The following GALNTL6 variants were observed in gnomAD, a reference collection of about 807,000 sequenced individuals.
GALNTL6 encodes the protein polypeptide N-acetylgalactosaminyltransferase-like 6.
A neutral mutation model predicts 73.7 loss-of-function variants in GALNTL6; 46 were observed. The ratio of observed to expected loss-of-function variants is 0.62; its 90% confidence interval spans 0.49 to 0.80. GALNTL6 has a LOEUF of 0.80. Ranked by LOEUF, GALNTL6 falls within the 30% of genes least tolerant of loss-of-function variation. The pLI, the probability that GALNTL6 is intolerant of heterozygous loss-of-function variation, is 0.00. For missense variants in GALNTL6, 604 were observed against 755.0 expected (o/e 0.80, Z 2.34); for synonymous variants, 259 against 263.7 (o/e 0.98, Z 0.17).
At chr4:172,469,452 A>T (rs1012600407) in intron 5 of GALNTL6, among the ~76,000 whole-genome samples, 6 of 151,596 alleles carry the variant, frequency 4.0e-5, no homozygotes, top group African/African-American at 9.7e-5. Flanking sequence ...CAAAAAATAA[A>T]AAAAAAAAAT....
chr4:171,980,366 T>C (rs540823827), intron 2 of GALNTL6, among the ~76,000 whole-genome samples: 22 of 152,264 alleles, frequency 1.4e-4, no homozygotes, highest in Admixed American at 4.6e-4. Flanking sequence ...GAGAAGTTAA[T>C]ATCCAGGAAG....
intron 2 of GALNTL6, among the ~76,000 whole-genome samples, chr4:171,862,379 C>T (rs2110880756): frequency 6.6e-6 from 1 of 152,068 alleles, no homozygotes; most frequent in East Asian, 1.9e-4. Context: ...AAAATAAAAC[C>T]TCAGTGTGAA....
chr4:171,889,061 C>G (rs1359530412), intron 2 of GALNTL6, among the ~76,000 whole-genome samples: 2 of 151,962 alleles, frequency 1.3e-5, no homozygotes, highest in Non-Finnish European at 2.9e-5. Flanking sequence ...GAAAGAAAAT[C>G]ACAACTTGCT....
chr4:172,057,801 C>T (rs1310095528), intron 2 of GALNTL6, among the ~76,000 whole-genome samples: 2 of 141,844 alleles, frequency 1.4e-5, no homozygotes, highest in Non-Finnish European at 3.0e-5. Flanking sequence ...AAATTAGATG[C>T]TATGGGCATG....
At chr4:172,715,268 G>C (rs1444486235) in intron 5 of GALNTL6, among the ~76,000 whole-genome samples, 2 of 152,224 alleles carry the variant, frequency 1.3e-5, no homozygotes, top group South Asian at 2.1e-4. Flanking sequence ...GGCAGGGTGT[G>C]TGTGGGGATG....
chr4:172,446,584 G>GTT (rs202185404), intron 5 of GALNTL6, among the ~76,000 whole-genome samples: 2 of 151,814 alleles, frequency 1.3e-5, no homozygotes, highest in African/African-American at 4.8e-5. Context: ...AGAAACAAGT[G>GTT]TTTTTTTTCT....
intron 5 of GALNTL6, among the ~76,000 whole-genome samples, chr4:172,558,797 T>C (rs1736235825): frequency 6.6e-6 from 1 of 152,146 alleles, no homozygotes; most frequent in Non-Finnish European, 1.5e-5. Context: ...AAAAGAGTGG[T>C]CATTATCTCA....
intron 5 of GALNTL6, among the ~76,000 whole-genome samples, chr4:172,522,363 G>C (rs913007275): frequency 2.6e-4 from 40 of 151,802 alleles, no homozygotes; most frequent in African/African-American, 9.4e-4. Context: ...CCATTCTCTG[G>C]TTACCAGCGA....
At chr4:172,242,066 G>A (rs954995746) in intron 3 of GALNTL6, among the ~76,000 whole-genome samples, 6 of 152,008 alleles carry the variant, frequency 3.9e-5, no homozygotes, top group African/African-American at 1.4e-4. Context: ...TATAGTAGCT[G>A]AAGAGCTATC....
intron 2 of GALNTL6, among the ~76,000 whole-genome samples, chr4:171,998,519 A>C (rs1428904706): frequency 6.6e-6 from 1 of 152,134 alleles, no homozygotes; most frequent in Non-Finnish European, 1.5e-5. Context: ...TCCTATCTCC[A>C]AATACAGTCA....
intron 5 of GALNTL6, among the ~76,000 whole-genome samples, chr4:172,393,446 A>C (rs944092198): frequency 2.6e-5 from 4 of 152,084 alleles, no homozygotes; most frequent in African/African-American, 9.7e-5. Flanking sequence ...ACGAAGAGAC[A>C]ACAGAGAGAC....
intron 5 of GALNTL6, among the ~76,000 whole-genome samples, chr4:172,713,636 G>T (rs1223512662): frequency 1.3e-5 from 2 of 152,124 alleles, no homozygotes; most frequent in African/African-American, 4.8e-5. Flanking sequence ...TTATCAGAAA[G>T]TAATATGAAA....
chr4:172,078,962 T>C (rs1731794756), intron 2 of GALNTL6, among the ~76,000 whole-genome samples: 1 of 152,186 alleles, frequency 6.6e-6, no homozygotes, highest in Non-Finnish European at 1.5e-5. Flanking sequence ...CATGATCATA[T>C]TACTGTTTCA....
intron 5 of GALNTL6, among the ~76,000 whole-genome samples, chr4:172,426,006 T>C (rs1052468744): frequency 1.1e-4 from 17 of 152,246 alleles, no homozygotes; most frequent in African/African-American, 3.8e-4. Flanking sequence ...TAATTTCCTT[T>C]GTATTTTAAA....
chr4:172,107,625 A>G (rs1385711246), intron 2 of GALNTL6, among the ~76,000 whole-genome samples: 2 of 140,556 alleles, frequency 1.4e-5, no homozygotes, highest in Non-Finnish European at 3.0e-5. Context: ...GAATTGAACA[A>G]TGAGAACACA....
At chr4:172,051,097 G>A (rs924062245) in intron 2 of GALNTL6, among the ~76,000 whole-genome samples, 2 of 152,156 alleles carry the variant, frequency 1.3e-5, no homozygotes, top group African/African-American at 4.8e-5. Context: ...AGTGAAGCAG[G>A]AGAGTTCCCT....
intron 5 of GALNTL6, among the ~76,000 whole-genome samples, chr4:172,489,159 A>G (rs889806435): frequency 1.3e-5 from 2 of 152,220 alleles, no homozygotes; most frequent in Non-Finnish European, 2.9e-5. Context: ...TGCCAGTATT[A>G]CAGATACCTG....
At chr4:172,985,449 T>A (rs961179314) in intron 10 of GALNTL6, among the ~76,000 whole-genome samples, 3 of 152,022 alleles carry the variant, frequency 2.0e-5, no homozygotes, top group African/African-American at 7.2e-5. Flanking sequence ...AAGTACTACA[T>A]CTTGGTAACC....
intron 5 of GALNTL6, among the ~76,000 whole-genome samples, chr4:172,458,605 A>G (rs572283519): frequency 1.3e-5 from 2 of 152,314 alleles, no homozygotes; most frequent in Non-Finnish European, 2.9e-5. Flanking sequence ...CTATGCAAAT[A>G]AACTAGAAAA....
Sources: gnomAD v4.1 joint callset for allele counts (sites outside exome capture counted in the v4.1 genomes callset) on GRCh38, gnomAD v4.1.1 for gene constraint, MANE v1.5 for transcripts, NCBI Gene and HGNC (gene_info 2026-07-23, HGNC 2026-07-21) for gene names.